C19orf38: variants seen among roughly 807,000 people sequenced by gnomAD.
The protein encoded by C19orf38 is chromosome 19 open reading frame 38.
A neutral mutation model predicts 26.6 loss-of-function variants in C19orf38; 14 were observed. That is an observed-to-expected ratio of 0.53 (90% CI 0.35 to 0.82). The LOEUF (loss-of-function observed/expected upper bound fraction) is 0.82, where lower values mean the gene tolerates loss of function less well. Ranked by LOEUF, C19orf38 falls within the 40% of genes least tolerant of loss-of-function variation. The pLI, the probability that C19orf38 is intolerant of heterozygous loss-of-function variation, is 0.01. For synonymous variants in C19orf38, 132 were observed against 128.5 expected (o/e 1.03, Z -0.18); for missense variants, 261 against 299.5 (o/e 0.87, Z 0.95).
At chr19:10,842,112 G>A in intron 1 of C19orf38, 2 of 1,579,376 alleles carry the variant, frequency 1.3e-6, no homozygotes, top group South Asian at 1.1e-5. Context: ...TAATGCTGCT[G>A]TATCCTCAGT....
intron 1 of C19orf38, among the ~76,000 whole-genome samples, chr19:10,849,246 C>T (rs2073545134): frequency 1.3e-5 from 2 of 152,084 alleles, no homozygotes; most frequent in Non-Finnish European, 2.9e-5. Flanking sequence ...GTCTCAAATT[C>T]CTGGGCTCAA....
chr19:10,857,697 A>G (rs1220720988), intron 3 of C19orf38, among the ~76,000 whole-genome samples: 2 of 151,390 alleles, frequency 1.3e-5, no homozygotes, highest in Non-Finnish European at 2.9e-5. Flanking sequence ...CCTGGGCAAT[A>G]TGGTGAAACC....
chr19:10,846,259 T>G (rs2146245381), upstream of C19orf38, among the ~76,000 whole-genome samples: 1 of 151,922 alleles, frequency 6.6e-6, no homozygotes, highest in East Asian at 2.0e-4. Context: ...TGCAGTGGCA[T>G]GATCTCAGCT....
upstream of C19orf38, among the ~76,000 whole-genome samples, chr19:10,844,648 C>G (rs1402107312): frequency 2.7e-5 from 4 of 149,958 alleles, no homozygotes. Context: ...GTGATCAAGA[C>G]CATCCTGGCT....
chr19:10,853,767 A>AT lies in C19orf38; in HGVS notation c.341-2487dup, dbSNP rs879881280. Among the ~76,000 whole-genome samples the AT allele has an allele frequency of 8.5e-3, 1,158 of 136,784 alleles. 11 individuals are homozygous for AT. The highest frequency in any genetic ancestry group is 0.022 in the Middle Eastern group (5 of 226). 89.7% of individuals were successfully genotyped at this position (136,784 alleles called of 152,430 possible). ...CCACCATGCCCAGCTAATTTTTTGTATTTTTTTTTTTAGTAAGAAGGGGTT... is the reference window on the plus strand; with the variant it reads ...CCACCATGCCCAGCTAATTTTTTGTATTTTTTTTTTTTAGTAAGAAGGGGTT... On this transcript the variant is annotated intron_variant, in intron 2 of 6. Coordinates refer to ENST00000397820, the MANE Select transcript of C19orf38 (RefSeq NM_001136482.3).
chr19:10,862,775 G>T (rs944399043), intron 5 of C19orf38, among the ~76,000 whole-genome samples: 5 of 152,062 alleles, frequency 3.3e-5, no homozygotes, highest in African/African-American at 1.2e-4. Context: ...GTTGCATTGA[G>T]CCGAGATCCT....
In C19orf38 at chr19:10,850,232, C is replaced by A. The variant is rs1469142413; in HGVS notation, c.32-27C>A. Reference sequence around the variant, plus strand: ...GGCAGCCTCCACTCTCACCACGCACCCACCCACCTTACCCTCTGCATTGCA... The same window carrying A: ...GGCAGCCTCCACTCTCACCACGCACACACCCACCTTACCCTCTGCATTGCA... On this transcript the variant is annotated intron_variant, in intron 1 of 6. Coordinates refer to ENST00000397820, the MANE Select transcript of C19orf38 (RefSeq NM_001136482.3). The A allele has an allele frequency of 3.9e-6, 6 of 1,528,098 alleles. No homozygotes were observed. In the East Asian group the frequency reaches 7.4e-5, roughly 19 times the overall value. The allele number at this position is 1,528,098 out of a possible 1,614,324, so 94.7% of individuals were successfully genotyped here.
chr19:10,864,755 A>G lies in C19orf38; in HGVS notation c.543+1548A>G, dbSNP rs138592108. 3.8e-3 allele frequency among the ~76,000 whole-genome samples: 581 copies of G among 152,114 alleles called. 3 individuals carry two copies. Among genetic ancestry groups the G allele is most frequent in the African/African-American group, 0.013 (531 of 41,494 alleles). On this transcript the variant is annotated intron_variant, in intron 6 of 6. Coordinates refer to ENST00000397820, the MANE Select transcript of C19orf38 (RefSeq NM_001136482.3). ...AGTGATCAGATGCAGGTTAGGGGAGATATAGGGGAGAGAAAACACAGAGCT... is the reference window on the plus strand; with the variant it reads ...AGTGATCAGATGCAGGTTAGGGGAGGTATAGGGGAGAGAAAACACAGAGCT...
chr19:10,861,897 T>C (rs1213634105), intron 5 of C19orf38, among the ~76,000 whole-genome samples: 1 of 151,192 alleles, frequency 6.6e-6, no homozygotes, highest in Non-Finnish European at 1.5e-5. Flanking sequence ...TTGTTGTTGT[T>C]TTTTGTTTGT....
At chr19:10,851,645 C>T (rs2073573502) in intron 2 of C19orf38, among the ~76,000 whole-genome samples, 1 of 152,016 alleles carries the variant, frequency 6.6e-6, no homozygotes, top group African/African-American at 2.4e-5. Flanking sequence ...CCAGCCTGGC[C>T]AACATGGTGA....
chr19:10,845,506 C>G (rs551022394), upstream of C19orf38, among the ~76,000 whole-genome samples: 1 of 151,996 alleles, frequency 6.6e-6, no homozygotes, highest in Non-Finnish European at 1.5e-5. Flanking sequence ...AACTTAATGA[C>G]GCTCAATATA....
chr19:10,856,188 G>A, intron 2 of C19orf38, 77 bp from the exon 3 acceptor site: 1 of 1,151,840 alleles, frequency 8.7e-7, no homozygotes, highest in Admixed American at 2.0e-5. Context: ...GGGGTTATGG[G>A]GTAAGGGCTG....
chr19:10,861,187 G>C (rs1011710482), intron 5 of C19orf38, among the ~76,000 whole-genome samples: 2 of 152,154 alleles, frequency 1.3e-5, no homozygotes, highest in Admixed American at 1.3e-4. Context: ...AGTGATCATT[G>C]GGTGCTTGCA....
At chr19:10,850,236 C>A (rs1326030376) in intron 1 of C19orf38, 23 bp from the exon 2 acceptor site, 8 of 1,530,618 alleles carry the variant, frequency 5.2e-6, no homozygotes, top group Non-Finnish European at 7.0e-6. Flanking sequence ...ACGCACCCAC[C>A]CACCTTACCC....
chr19:10,845,191 A>G (rs1230361812), upstream of C19orf38, among the ~76,000 whole-genome samples: 3 of 151,790 alleles, frequency 2.0e-5, no homozygotes, highest in South Asian at 2.1e-4. Context: ...GGATGAATTC[A>G]ATAAATTCAA....
chr19:10,850,725 A>G (rs1332034264), intron 2 of C19orf38, among the ~76,000 whole-genome samples, 158 bp downstream of exon 2: 1 of 152,156 alleles, frequency 6.6e-6, no homozygotes, highest in East Asian at 1.9e-4. Context: ...CAGCCAGCCC[A>G]AAAGGGGATT....
chr19:10,851,830 C>T (rs1000754726), intron 2 of C19orf38, among the ~76,000 whole-genome samples: 4 of 151,784 alleles, frequency 2.6e-5, no homozygotes, highest in Admixed American at 6.6e-5. Context: ...TAGCCGGGCG[C>T]GGTGGCGGGC....
chr19:10,863,773 C>T (rs1049014221), intron 6 of C19orf38, among the ~76,000 whole-genome samples: 16 of 152,080 alleles, frequency 1.1e-4, no homozygotes, highest in African/African-American at 2.9e-4. Context: ...ATTAGCTGGG[C>T]GTGGTGGTGC....
intron 5 of C19orf38, 126 bp downstream of exon 5, chr19:10,860,084 C>G (rs1175447451): frequency 1.1e-5 from 10 of 918,744 alleles, no homozygotes; most frequent in Non-Finnish European, 1.7e-5. Flanking sequence ...CAAAACACAC[C>G]CTCGCCACCT....
Sources: allele counts gnomAD v4.1 joint callset (sites outside exome capture counted in the v4.1 genomes callset), GRCh38; gene constraint gnomAD v4.1.1; transcripts MANE v1.5; gene names NCBI Gene and HGNC (gene_info 2026-07-23, HGNC 2026-07-21).